Variants in BABAM2 observed in about 807,000 individuals in gnomAD.
BABAM2 encodes the protein BRISC and BRCA1-A complex member 2.
In BABAM2, 31 loss-of-function variants were observed where a neutral mutation model predicts 54.7. The observed-to-expected ratio is 0.57, with a 90% CI of 0.43 to 0.77. The LOEUF (loss-of-function observed/expected upper bound fraction) is 0.77. Among genes scored for constraint, BABAM2 ranks in the 30% least tolerant of loss-of-function variants. The pLI is 0.00. For synonymous variants in BABAM2, 167 were observed against 162.9 expected, an observed-to-expected ratio of 1.03 and a Z score of -0.19; for missense variants, 364 against 455.8, an observed-to-expected ratio of 0.80 and a Z score of 1.83.
chr2:28,008,323 T>C (rs971204499), intron 4 of BABAM2, among the ~76,000 whole-genome samples: 6 of 152,040 alleles, frequency 3.9e-5, no homozygotes, highest in African/African-American at 1.2e-4. Context: ...TGGGAAGAAA[T>C]AAACAGTCTT....
intron 3 of BABAM2, among the ~76,000 whole-genome samples, chr2:27,946,956 A>G (rs547135520): frequency 6.6e-6 from 1 of 152,106 alleles, no homozygotes; most frequent in South Asian, 2.1e-4. Context: ...CATTTCTGAC[A>G]TTGGTACATT....
intron 6 of BABAM2, among the ~76,000 whole-genome samples, chr2:28,111,134 A>AT (rs1334594801): frequency 0.038 from 3,881 of 101,852 alleles, 70 homozygotes; most frequent in African/African-American, 0.073. Context: ...ACGCCTGGCT[A>AT]TTTTTTTTTT....
At chr2:27,982,843 G>GTA (rs57333567) in intron 3 of BABAM2, among the ~76,000 whole-genome samples, 39,643 of 93,508 alleles carry the variant, frequency 0.42, 5,855 homozygotes, top group Middle Eastern at 0.56. Flanking sequence ...TTCATTATGT[G>GTA]TACACACACA....
At chr2:27,985,345 A>C (rs1476949829) in intron 3 of BABAM2, among the ~76,000 whole-genome samples, 1 of 152,168 alleles carries the variant, frequency 6.6e-6, no homozygotes, top group Non-Finnish European at 1.5e-5. Flanking sequence ...TCCCACCAGC[A>C]GTGTAAAAGT....
At chr2:28,279,148 G>A (rs1468078483) in intron 10 of BABAM2, among the ~76,000 whole-genome samples, 1 of 152,170 alleles carries the variant, frequency 6.6e-6, no homozygotes, top group South Asian at 2.1e-4. Context: ...TATGGAGTTC[G>A]GCTTCCTCTG....
At chr2:27,940,257 T>C (rs2148379262) in intron 3 of BABAM2, among the ~76,000 whole-genome samples, 1 of 152,314 alleles carries the variant, frequency 6.6e-6, no homozygotes, top group Non-Finnish European at 1.5e-5. Context: ...GAGCCATGAG[T>C]GTCATATAAA....
chr2:27,902,088 G>C (rs1573121654), intron 2 of BABAM2, among the ~76,000 whole-genome samples: 2 of 152,198 alleles, frequency 1.3e-5, no homozygotes, highest in East Asian at 3.9e-4. Context: ...CTGATTGACT[G>C]TTACACTGTT....
intron 1 of BABAM2, 94 bp from the exon 2 acceptor site, chr2:27,894,439 A>C: frequency 8.4e-7 from 1 of 1,194,964 alleles, no homozygotes; most frequent in East Asian, 2.4e-5. Flanking sequence ...TATTCATGCA[A>C]GAGGAACTGC....
intron 7 of BABAM2, among the ~76,000 whole-genome samples, chr2:28,218,642 G>A (rs1680126072): frequency 6.6e-6 from 1 of 152,084 alleles, no homozygotes; most frequent in African/African-American, 2.4e-5. Context: ...ACCTGGTTAA[G>A]TGGTGTCTCT....
chr2:28,126,510 A>G (rs1177785239), intron 6 of BABAM2, among the ~76,000 whole-genome samples: 1 of 144,128 alleles, frequency 6.9e-6, no homozygotes, highest in Non-Finnish European at 1.5e-5. Flanking sequence ...TCCATGGTGT[A>G]TATGTGCCAC....
intron 6 of BABAM2, among the ~76,000 whole-genome samples, chr2:28,074,639 G>A (rs746847618): frequency 6.6e-6 from 1 of 152,012 alleles, no homozygotes. Flanking sequence ...ATTTTCAGTG[G>A]ACTGATTTCC....
intron 8 of BABAM2, among the ~76,000 whole-genome samples, chr2:28,237,530 T>A (rs890560420): frequency 1.3e-5 from 2 of 151,174 alleles, no homozygotes; most frequent in Non-Finnish European, 2.9e-5. Flanking sequence ...TCCAGTCTTA[T>A]CTTCATCTCT....
At chr2:28,157,499 TAGAC>T (rs1212367445) in intron 7 of BABAM2, among the ~76,000 whole-genome samples, 3 of 152,182 alleles carry the variant, frequency 2.0e-5, no homozygotes, top group Non-Finnish European at 4.4e-5. Context: ...GCAGCAAAAA[TAGAC>T]AGCTACAACA....
chr2:28,225,756 G>C (rs2148025953), intron 7 of BABAM2, among the ~76,000 whole-genome samples: 1 of 151,786 alleles, frequency 6.6e-6, no homozygotes, highest in South Asian at 2.1e-4. Context: ...TCCACGAGTT[G>C]CCTAATGCTC....
intron 10 of BABAM2, among the ~76,000 whole-genome samples, chr2:28,275,916 T>G (rs747227476): frequency 6.6e-5 from 10 of 151,664 alleles, no homozygotes; most frequent in Non-Finnish European, 1.2e-4. Flanking sequence ...TCACAACCCC[T>G]GCCCATGTGA....
chr2:27,973,481 C>T (rs1671370152), intron 3 of BABAM2, among the ~76,000 whole-genome samples: 1 of 151,244 alleles, frequency 6.6e-6, no homozygotes, highest in Admixed American at 6.6e-5. Context: ...CAGGCAAGCT[C>T]TAGTGATGAA....
At chr2:28,200,807 C>T (rs1162753201) in intron 7 of BABAM2, among the ~76,000 whole-genome samples, 1 of 151,954 alleles carries the variant, frequency 6.6e-6, no homozygotes, top group Non-Finnish European at 1.5e-5. Context: ...CTTGCTCTGT[C>T]GCCCAGGTTG....
intron 3 of BABAM2, among the ~76,000 whole-genome samples, chr2:27,979,410 G>A (rs1184732578): frequency 2.0e-5 from 3 of 151,808 alleles, no homozygotes; most frequent in African/African-American, 7.3e-5. Context: ...TGTGAATAGT[G>A]CTGCAATGAA....
chr2:27,934,146 G>A (rs1403508283), intron 3 of BABAM2, among the ~76,000 whole-genome samples: 2 of 151,948 alleles, frequency 1.3e-5, no homozygotes, highest in Non-Finnish European at 2.9e-5. Flanking sequence ...CCCAAAGCGT[G>A]TGCTTATTTC....
Sources: allele counts gnomAD v4.1 joint callset (sites outside exome capture counted in the v4.1 genomes callset), GRCh38; gene constraint gnomAD v4.1.1; transcripts MANE v1.5; gene names NCBI Gene and HGNC (gene_info 2026-07-23, HGNC 2026-07-21).